Variants in CELSR2 observed in about 807,000 individuals in gnomAD.
The protein encoded by CELSR2 is EGF-like protein 2.
CELSR2 carries 81 observed loss-of-function variants against 251.6 expected under a neutral mutation model. That is an observed-to-expected ratio of 0.32 (90% CI 0.27 to 0.39). The LOEUF (loss-of-function observed/expected upper bound fraction) is 0.39. Among genes scored for constraint, CELSR2 ranks in the 10% least tolerant of loss-of-function variants. The pLI is 1.00. For synonymous variants in CELSR2, 1,721 were observed against 1,670.5 expected (o/e 1.03, Z -0.74); for missense variants, 3,365 against 3,947.7 (o/e 0.85, Z 3.96).
At chr1:109,262,013 A>C in intron 5 of CELSR2, 117 bp downstream of exon 5, 1 of 1,209,612 alleles carries the variant, frequency 8.3e-7, no homozygotes, top group Non-Finnish European at 1.2e-6. Flanking sequence ...TCTGGCTGAG[A>C]GGAAGGGAGC....
Position 109,250,891 on chromosome 1 carries a change from C to A in CELSR2, c.812C>A (p.Ala271Asp). The A allele has an allele frequency of 6.2e-7, 1 of 1,614,014 alleles. No homozygotes were observed. Among genetic ancestry groups the A allele is most frequent in the Non-Finnish European group, 8.5e-7 (1 of 1,180,040 alleles). Reference protein sequence around the residue: ...AQDHGMPRRSALATLTILVTD... With the variant: ...AQDHGMPRRSDLATLTILVTD... ...GACCACGGCATGCCCCGACGAAGTG[C>A]CCTGGCTACACTCACCATCTTGGTT... The change falls in exon 1 of 34, where the codon GCC becomes GAC. Residue 271 changes from alanine (A) to aspartate (D), a missense_variant. Physicochemically the swap from Ala to Asp is moderately radical, Grantham distance 126. Around this residue, in one of 5 missense-constraint regions of CELSR2, gnomAD observed 704 missense variants for 784.1 expected, o/e 0.90. Coordinates refer to ENST00000271332, the MANE Select transcript of CELSR2 (RefSeq NM_001408.3). This position sits in a 1 kb window ranked among gnomAD's most constrained non-coding sequence, Gnocchi z 4.4.
In CELSR2 at chr1:109,258,542, T is replaced by C; in HGVS notation, c.3421T>C (p.Phe1141Leu). Residue 1141 changes from phenylalanine (F) to leucine (L), a missense_variant, in exon 2 of 34, where the codon TTC (phenylalanine) becomes CTC (leucine). Transcript: ENST00000271332. Reference sequence around the variant, plus strand: ...CCTGGAGGACATGTCACCCGAGCGCTTCCTGTCACCACTGCTAGGCCTCTT... The same window carrying C: ...CCTGGAGGACATGTCACCCGAGCGCCTCCTGTCACCACTGCTAGGCCTCTT... ...LRLEDMSPERFLSPLLGLFIQ... is the reference protein window; with the variant it reads ...LRLEDMSPERLLSPLLGLFIQ... 6.2e-7 allele frequency: 1 copy of C among 1,605,386 alleles called. No homozygotes were observed. Among genetic ancestry groups the C allele is most frequent in the Non-Finnish European group, 8.5e-7 (1 of 1,176,346 alleles).
At chr1:109,268,820 C>A in intron 18 of CELSR2, 56 bp downstream of exon 18, 1 of 1,582,310 alleles carries the variant, frequency 6.3e-7, no homozygotes, top group East Asian at 2.3e-5. Context: ...CCGACAAGAG[C>A]GGCTGTGCTG....
chr1:109,257,350 T>TAAAA (rs71593475), intron 1 of CELSR2, among the ~76,000 whole-genome samples: 1 of 135,828 alleles, frequency 7.4e-6, no homozygotes. Flanking sequence ...GTCTGTCTCT[T>TAAAA]AAAAAAAAAA....
At chr1:109,260,700 C>G (rs1655995552) in intron 2 of CELSR2, among the ~76,000 whole-genome samples, 1 of 152,122 alleles carries the variant, frequency 6.6e-6, no homozygotes, top group Non-Finnish European at 1.5e-5. Flanking sequence ...ATCGAAGGCT[C>G]CCGGGATCCG....
Position 109,258,833 on chromosome 1 carries a change from G to A in CELSR2, c.3712G>A (p.Glu1238Lys), listed in dbSNP as rs1328807117. ...DDNICLREPC[E>K]NYMRCVSVLR... ...CAACATCTGCCTGCGGGAGCCCTGC[G>A]AGAACTACATGCGCTGCGTGTCGGT... The change falls in exon 2 of 34, where the codon GAG becomes AAG. Residue 1238 changes from glutamate (E) to lysine (K), a missense_variant. By Grantham distance (56) the Glu-to-Lys change is moderately conservative (BLOSUM62 1). This residue lies in a region of CELSR2 where 2,093 missense variants were observed against 2,382.8 expected (regional missense o/e 0.88). Coordinates refer to ENST00000271332, the MANE Select transcript of CELSR2 (RefSeq NM_001408.3). 1 of 1,612,418 alleles carries A rather than the reference G, an allele frequency of 6.2e-7. No homozygotes were observed. The highest frequency in any genetic ancestry group is 8.5e-7 in the Non-Finnish European group (1 of 1,179,362).
chr1:109,257,410 A>C (rs978115415), intron 1 of CELSR2, among the ~76,000 whole-genome samples: 1 of 151,452 alleles, frequency 6.6e-6, no homozygotes, highest in Non-Finnish European at 1.5e-5. Context: ...CTCCTTCTCC[A>C]GGCCCCAGCT....
Position 109,271,307 on chromosome 1 carries a change from G to C in CELSR2, c.7676+11G>C. ...GAAGAAAGGTCCTGTGTGAGTATAG[G>C]GTTGGGGTGCCTGGGCCATGGGCAG... On this transcript the variant is annotated intron_variant, in intron 26 of 33. Coordinates refer to ENST00000271332, the MANE Select transcript of CELSR2 (RefSeq NM_001408.3). The C allele has an allele frequency of 6.2e-7, 1 of 1,613,912 alleles. No individual in the cohort carries two copies. Among genetic ancestry groups the C allele is most frequent in the Non-Finnish European group, 8.5e-7 (1 of 1,179,988 alleles).
At chr1:109,267,761 C>T (rs1480857479) in intron 16 of CELSR2, 90 bp from the exon 17 acceptor site, 1 of 1,559,716 alleles carries the variant, frequency 6.4e-7, no homozygotes, top group African/African-American at 1.4e-5. Flanking sequence ...TCCTGGGCTC[C>T]CAGCTGGAGA....
intron 7 of CELSR2, 62 bp from the exon 8 acceptor site, chr1:109,263,080 C>A: frequency 6.3e-7 from 1 of 1,579,482 alleles, no homozygotes; most frequent in South Asian, 1.1e-5. Context: ...CTAACTGCTG[C>A]CACAGGCTTT....
chr1:109,253,676 G>T (rs1320855778), intron 1 of CELSR2, among the ~76,000 whole-genome samples: 1 of 152,214 alleles, frequency 6.6e-6, no homozygotes, highest in Non-Finnish European at 1.5e-5. Flanking sequence ...AGGCTGCCCC[G>T]GCTATGGCTG....
chr1:109,258,601 A>G lies in CELSR2; in HGVS notation c.3480A>G (p.Pro1160=). The part of the protein sequence containing the change: ...IQAVAATLAT[P]PDHVVVFNVQ... Reference sequence around the variant, plus strand: ...CGGTGGCCGCCACGCTGGCCACGCCACCGGACCACGTGGTGGTCTTCAACG... The same window carrying G: ...CGGTGGCCGCCACGCTGGCCACGCCGCCGGACCACGTGGTGGTCTTCAACG... Residue 1160 remains proline (P), a synonymous_variant, in exon 2 of 34, where the codon CCA becomes CCG. Transcript: ENST00000271332. The G allele has an allele frequency of 5.0e-6, 8 of 1,589,346 alleles. No individual in the cohort carries two copies. Among genetic ancestry groups the G allele is most frequent in the Non-Finnish European group, 6.8e-6 (8 of 1,168,264 alleles).
intron 1 of CELSR2, among the ~76,000 whole-genome samples, chr1:109,257,726 C>T (rs953576303): frequency 2.2e-4 from 34 of 152,188 alleles, no homozygotes; most frequent in African/African-American, 7.7e-4. Flanking sequence ...TCCCCCACCC[C>T]GACTCACCCT....
Position 109,261,146 on chromosome 1 carries a change from TGCCCATCTGGAGA to T in CELSR2, c.4064_4076del (p.Cys1355SerfsTer9). On this transcript the variant is annotated frameshift_variant, in exon 3 of 34. Coordinates refer to ENST00000271332, the MANE Select transcript of CELSR2 (RefSeq NM_001408.3). LOFTEE classifies it high-confidence loss of function. The surrounding 1 kb of genome is among the most constrained non-coding windows in gnomAD (Gnocchi z 4.8). ...GCTGGTGGGCGGTTTCAAGTGCGAT[TGCCCATCTGGAGA>T]CTTCGAGAAGCCCTACTGCCAGGTG... The T allele has an allele frequency of 6.2e-7, 1 of 1,614,134 alleles. No homozygotes were observed. Among genetic ancestry groups the T allele is most frequent in the Non-Finnish European group, 8.5e-7 (1 of 1,180,010 alleles).
Position 109,250,250 on chromosome 1 carries a change from C to G in CELSR2, c.171C>G (p.Leu57=), listed in dbSNP as rs1189193745. The change falls in exon 1 of 34, where the codon CTC becomes CTG. Residue 57 remains leucine, a synonymous_variant. Coordinates refer to ENST00000271332, the MANE Select transcript of CELSR2 (RefSeq NM_001408.3). This position sits in a 1 kb window ranked among gnomAD's most constrained non-coding sequence, Gnocchi z 4.4. The part of the protein sequence containing the change: ...SSGACAPMGW[L]CPSSASNLWL... Reference sequence around the variant, plus strand: ...GGGCCTGCGCCCCCATGGGCTGGCTCTGTCCATCCTCAGCGTCGAACCTCT... The same window carrying G: ...GGGCCTGCGCCCCCATGGGCTGGCTGTGTCCATCCTCAGCGTCGAACCTCT... 3.7e-6 allele frequency: 6 copies of G among 1,611,412 alleles called. No individual in the cohort carries two copies. The highest frequency in any genetic ancestry group is 1.6e-4 in the Middle Eastern group (1 of 6,078).
Position 109,273,575 on chromosome 1 carries a change from G to T in CELSR2, c.8649G>T (p.Pro2883=). ...GSRGGPPPRP[P]PRQSLQEQLN... ...GGGGAGGCCCCCCTCCCCGCCCACC[G>T]CCCCGGCAGAGCCTCCAGGAGCAGC... is the stretch of plus-strand genomic sequence containing the variant. Residue 2883 remains proline, a synonymous_variant, in exon 33 of 34, where the codon CCG becomes CCT. Coordinates refer to ENST00000271332, the MANE Select transcript of CELSR2 (RefSeq NM_001408.3). 6.4e-7 allele frequency: 1 copy of T among 1,562,236 alleles called. No individual in the cohort carries two copies.
At chr1:109,262,076 G>A (rs894051466) in intron 5 of CELSR2, among the ~76,000 whole-genome samples, 180 bp downstream of exon 5, 1 of 152,212 alleles carries the variant, frequency 6.6e-6, no homozygotes, top group Admixed American at 6.5e-5. Flanking sequence ...GGCACTGCTC[G>A]ATGCTCTCTG....
Position 109,263,276 on chromosome 1 carries a change from G to T in CELSR2, c.4834+9G>T. 1 of 1,566,704 alleles carries T rather than the reference G, an allele frequency of 6.4e-7. No homozygotes were observed. The highest frequency in any genetic ancestry group is 8.7e-7 in the Non-Finnish European group (1 of 1,149,304). Reference sequence around the variant, plus strand: ...CAAGAGCTGCGCCCAGGGTAGGAGGGGCGGCTGTTAGAGGCCACAGCCTGG... The same window carrying T: ...CAAGAGCTGCGCCCAGGGTAGGAGGTGCGGCTGTTAGAGGCCACAGCCTGG... On this transcript the variant is annotated intron_variant, in intron 8 of 33. Coordinates refer to ENST00000271332, the MANE Select transcript of CELSR2 (RefSeq NM_001408.3).
At chr1:109,255,107 C>A (rs774113978) in intron 1 of CELSR2, among the ~76,000 whole-genome samples, 2 of 152,158 alleles carry the variant, frequency 1.3e-5, no homozygotes, top group African/African-American at 4.8e-5. Flanking sequence ...CCTCCTGGCC[C>A]GGCAGCTCTG....
Sources: gnomAD v4.1 joint callset for allele counts (sites outside exome capture counted in the v4.1 genomes callset) on GRCh38, gnomAD v4.1.1 for gene constraint, gnomAD v4.1.1 regional missense constraint, Gnocchi (gnomAD v3.1) non-coding constraint, MANE v1.5 for transcripts, NCBI Gene and HGNC (gene_info 2026-07-23, HGNC 2026-07-21) for gene names.